Variants in TASP1 observed in about 807,000 individuals in gnomAD.
The protein encoded by TASP1 is threonine aspartase 1.
In TASP1, 16 loss-of-function variants were observed where a neutral mutation model predicts 56.6. The observed-to-expected ratio is 0.28, with a 90% CI of 0.19 to 0.43. TASP1 has a LOEUF of 0.43. Among genes scored for constraint, TASP1 ranks in the 20% least tolerant of loss-of-function variants. The pLI is 1.00. For missense variants in TASP1, 393 were observed against 511.6 expected (o/e 0.77, Z 2.24); for synonymous variants, 179 against 184.2 (o/e 0.97, Z 0.23).
At chr20:13,569,707 T>A in intron 6 of TASP1, 121 bp from the exon 7 acceptor site, 1 of 774,316 alleles carries the variant, frequency 1.3e-6, no homozygotes, top group Non-Finnish European at 2.0e-6. Context: ...TAATTCCAGA[T>A]TTACCTCAAA....
In TASP1 at chr20:13,574,003, A is replaced by G. The variant is rs925841787; in HGVS notation, c.489-4417T>C. On this transcript the variant is annotated intron_variant, in intron 6 of 13. Coordinates refer to ENST00000337743, the MANE Select transcript of TASP1 (RefSeq NM_017714.3). ...AATACCAGAGAGGAGAAAGCTGCAT[A>G]TAGAGAGTACGCTAGAGATCTGCAG... 1.8e-4 allele frequency among the ~76,000 whole-genome samples: 28 copies of G among 152,198 alleles called. 1 individual carries two copies.
chr20:13,418,387 C>A (rs2042331202), intron 12 of TASP1, among the ~76,000 whole-genome samples: 1 of 152,152 alleles, frequency 6.6e-6, no homozygotes, highest in Non-Finnish European at 1.5e-5. Context: ...CAGGGGTCAA[C>A]TTGAAGGGCT....
chr20:13,388,701 C>T (rs1172213403), downstream of TASP1, among the ~76,000 whole-genome samples: 3 of 152,156 alleles, frequency 2.0e-5, no homozygotes, highest in Non-Finnish European at 2.9e-5. Context: ...AAAGGCTCCC[C>T]ACCAGCCAGC....
At chr20:13,428,827 C>T (rs140688645) in intron 12 of TASP1, among the ~76,000 whole-genome samples, 1 of 152,230 alleles carries the variant, frequency 6.6e-6, no homozygotes, top group Non-Finnish European at 1.5e-5. Flanking sequence ...AGAATATTTT[C>T]TGTGATATTT....
At chr20:13,290,816 A>G in the TASP1 span, among the ~76,000 whole-genome samples, 1 of 152,226 alleles carries the variant, frequency 6.6e-6, no homozygotes, top group African/African-American at 2.4e-5. Flanking sequence ...ACTTTATGAA[A>G]TAGGTATTTA....
chr20:13,453,264 A>G (rs1438763907), intron 11 of TASP1, among the ~76,000 whole-genome samples: 1 of 152,106 alleles, frequency 6.6e-6, no homozygotes, highest in East Asian at 1.9e-4. Flanking sequence ...AGGGGAAGAA[A>G]CAGACCTGAG....
intron 6 of TASP1, 141 bp downstream of exon 6, chr20:13,580,756 G>T: frequency 1.3e-6 from 1 of 749,470 alleles, no homozygotes; most frequent in Non-Finnish European, 2.2e-6. Context: ...TTTATTAGCT[G>T]TACAAAATGT....
At chr20:13,488,421 C>T (rs1049803250) in intron 10 of TASP1, among the ~76,000 whole-genome samples, 1 of 151,382 alleles carries the variant, frequency 6.6e-6, no homozygotes, top group African/African-American at 2.4e-5. Context: ...GATGCTATGG[C>T]AAAAAAAACA....
intron 10 of TASP1, among the ~76,000 whole-genome samples, chr20:13,509,951 T>C (rs2044266490): frequency 6.6e-6 from 1 of 152,206 alleles, no homozygotes. Context: ...TAGAGATCTT[T>C]CACCTTCCTG....
At chr20:13,274,242 C>T in the TASP1 span, among the ~76,000 whole-genome samples, 1 of 152,148 alleles carries the variant, frequency 6.6e-6, no homozygotes, top group East Asian at 1.9e-4. Flanking sequence ...GCAGCCCTCA[C>T]CCCTTCCTCA....
chr20:13,352,222 G>C, the TASP1 span, among the ~76,000 whole-genome samples: 3 of 152,246 alleles, frequency 2.0e-5, no homozygotes, highest in Admixed American at 2.0e-4. Flanking sequence ...GGCCAAGGTG[G>C]GTGGATCACT....
chr20:13,412,381 T>A (rs1448124740), intron 13 of TASP1, among the ~76,000 whole-genome samples: 1 of 152,236 alleles, frequency 6.6e-6, no homozygotes, highest in Non-Finnish European at 1.5e-5. Context: ...CTTTCTGGAA[T>A]TTAGTTTACT....
chr20:13,318,315 T>C, the TASP1 span, among the ~76,000 whole-genome samples: 3 of 152,080 alleles, frequency 2.0e-5, no homozygotes, highest in Non-Finnish European at 2.9e-5. Flanking sequence ...ATCCAAAACA[T>C]TGACAACATC....
At chr20:13,567,634 A>C (rs935961415) in intron 7 of TASP1, among the ~76,000 whole-genome samples, 2 of 152,200 alleles carry the variant, frequency 1.3e-5, no homozygotes, top group Admixed American at 1.3e-4. Flanking sequence ...GCTTCCTTCC[A>C]AAGAGAAAAA....
chr20:13,542,629 A>C lies in TASP1; in HGVS notation c.676-8488T>G, dbSNP rs2045664323. On this transcript the variant is annotated intron_variant, in intron 8 of 13. Transcript: ENST00000337743. Reference sequence around the variant, plus strand: ...AAATCATTAACAAATTTCAAAAAACAATATCAAACAATATACTCTCTGACT... The same window carrying C: ...AAATCATTAACAAATTTCAAAAAACCATATCAAACAATATACTCTCTGACT... 2.0e-5 allele frequency among the ~76,000 whole-genome samples: 3 copies of C among 152,196 alleles called. No individual in the cohort carries two copies. The South Asian group carries it at 6.2e-4, about 31-fold the overall frequency.
At chr20:13,265,118 C>G in the TASP1 span, among the ~76,000 whole-genome samples, 2 of 152,176 alleles carry the variant, frequency 1.3e-5, no homozygotes, top group African/African-American at 4.8e-5. Context: ...GTTACTCTCA[C>G]CACATTTCAG....
intron 12 of TASP1, among the ~76,000 whole-genome samples, chr20:13,421,591 T>C (rs1160215319): frequency 6.6e-6 from 1 of 152,194 alleles, no homozygotes; most frequent in East Asian, 1.9e-4. Flanking sequence ...TATGAAAAGA[T>C]AATTTACATT....
chr20:13,126,837 C>A, the TASP1 span: 1 of 1,357,370 alleles, frequency 7.4e-7, no homozygotes, highest in South Asian at 1.7e-5. Context: ...TAAATCAAGC[C>A]ATGTGATAAA....
intron 8 of TASP1, among the ~76,000 whole-genome samples, chr20:13,557,093 G>A (rs1448903081): frequency 6.6e-6 from 1 of 151,962 alleles, no homozygotes; most frequent in Non-Finnish European, 1.5e-5. Flanking sequence ...TTCTCCATGA[G>A]ATGCAGTGAA....
Sources: allele counts gnomAD v4.1 joint callset (sites outside exome capture counted in the v4.1 genomes callset), GRCh38; gene constraint gnomAD v4.1.1; transcripts MANE v1.5; gene names NCBI Gene and HGNC (gene_info 2026-07-23, HGNC 2026-07-21).